Variants in PHYH observed in about 807,000 individuals in gnomAD.
PHYH encodes the protein phytanoyl-CoA 2-hydroxylase.
PHYH carries 32 observed loss-of-function variants against 38.5 expected under a neutral mutation model. The ratio of observed to expected loss-of-function variants is 0.83; its 90% CI spans 0.63 to 1.12. The LOEUF (loss-of-function observed/expected upper bound fraction) is 1.12, where lower values mean the gene tolerates loss of function less well. Among genes scored for constraint, PHYH ranks in the 50% most tolerant of loss-of-function variants. The pLI, the probability that PHYH is intolerant of heterozygous loss-of-function variation, is 0.00. For synonymous variants in PHYH, 166 were observed against 157.9 expected, an observed-to-expected ratio of 1.05 and a Z score of -0.38; for missense variants, 426 against 434.8, an observed-to-expected ratio of 0.98 and a Z score of 0.18.
chr10:13,289,582 T>C lies in PHYH; in HGVS notation c.497-1041A>G, dbSNP rs117566813. 4.5e-3 allele frequency among the ~76,000 whole-genome samples: 692 copies of C among 152,242 alleles called. 6 individuals carry two copies. The highest frequency in any genetic ancestry group is 0.016 in the Admixed American group (237 of 15,270). On this transcript the variant is annotated intron_variant, in intron 5 of 8. Transcript: ENST00000263038. ...TCAAAAACCAGTTGCATTAATTACA[T>C]TGAAGAGAGTGATATGGAGTCAAGT...
intron 6 of PHYH, among the ~76,000 whole-genome samples, chr10:13,285,685 A>C (rs1835531776): frequency 6.7e-6 from 1 of 149,794 alleles, no homozygotes; most frequent in Non-Finnish European, 1.5e-5. Flanking sequence ...GCTCACTGCA[A>C]ACTCCACCTC....
rs559054877 is a variant in PHYH, at chr10:13,284,707, T to C, written c.679-868A>G. Among the ~76,000 whole-genome samples, 54 of 152,344 alleles carry C rather than the reference T, an allele frequency of 3.5e-4. No individual in the cohort carries two copies. In the South Asian group the frequency reaches 0.011, roughly 31 times the overall value. On this transcript the variant is annotated intron_variant, in intron 6 of 8. Coordinates refer to ENST00000263038, the MANE Select transcript of PHYH (RefSeq NM_006214.4). ...TAGTAAATTAAAACACTGTGTTTGTTTGTAACTATTTCCCAAATTAGTTGC... is the reference window on the plus strand; with the variant it reads ...TAGTAAATTAAAACACTGTGTTTGTCTGTAACTATTTCCCAAATTAGTTGC...
In PHYH at chr10:13,294,508, C is replaced by A; in HGVS notation, c.334G>T (p.Ala112Ser). ...RDVTISKSEY[A>S]PSEKMITKVQ... The stretch of plus-strand genomic sequence containing the variant: ...TTCGTGATCATCTTCTCACTTGGAG[C>A]ATATTCGGATTTCGAAATGGTCACA... The change falls in exon 4 of 9, where the codon GCT becomes TCT. Residue 112 changes from alanine (A) to serine (S), a missense_variant. Physicochemically the swap from Ala to Ser is moderately conservative, Grantham distance 99. Transcript: ENST00000263038. The A allele has an allele frequency of 6.2e-7, 1 of 1,613,968 alleles. No individual in the cohort carries two copies. Among genetic ancestry groups the A allele is most frequent in the Non-Finnish European group, 8.5e-7 (1 of 1,179,824 alleles).
At position 13,282,966 on chromosome 10, in the gene PHYH, T is replaced by C. The variant is rs75967900; in HGVS notation, c.828+724A>G. On this transcript the variant is annotated intron_variant, in intron 7 of 8. Transcript: ENST00000263038. ...AAGACGAAATTTGGCCCCTAACCCA[T>C]GGCCTCAGGAGACAACAGTGATTTT... 9.5e-3 allele frequency among the ~76,000 whole-genome samples: 1,431 copies of C among 150,144 alleles called. 28 individuals carry two copies. The highest frequency in any genetic ancestry group is 0.032 in the African/African-American group (1,285 of 40,374).
At chr10:13,281,239 C>A in intron 7 of PHYH, 129 bp from the exon 8 acceptor site, 1 of 864,640 alleles carries the variant, frequency 1.2e-6, no homozygotes, top group Non-Finnish European at 1.9e-6. Flanking sequence ...AAAGTCAGGT[C>A]CATTGCATCC....
chr10:13,299,554 G>T, intron 1 of PHYH: 2 of 1,015,926 alleles, frequency 2.0e-6, no homozygotes, highest in Non-Finnish European at 2.4e-6. Context: ...CTCCGGAGAG[G>T]TCCCGGTCAC....
In PHYH at chr10:13,278,332, C is replaced by A. The variant is rs144085594; in HGVS notation, c.986G>T (p.Arg329Leu). Reference protein sequence around the residue: ...NLKDIWMFRARLVKGERTNL With the variant: ...NLKDIWMFRALLVKGERTNL ...ATTGGTTCTTTCTCCTTTCACAAGTCGAGCTCGAAACATCCAAATATCCTG... is the reference window on the plus strand; with the variant it reads ...ATTGGTTCTTTCTCCTTTCACAAGTAGAGCTCGAAACATCCAAATATCCTG... The change falls in exon 9 of 9, where the codon CGA becomes CTA. Residue 329 changes from arginine (R) to leucine (L), a missense_variant. Physicochemically the swap from Arg to Leu is moderately radical, Grantham distance 102. Transcript: ENST00000263038. The A allele has an allele frequency of 6.2e-7, 1 of 1,612,576 alleles. No individual in the cohort carries two copies. The highest frequency in any genetic ancestry group is 8.5e-7 in the Non-Finnish European group (1 of 1,178,690).
At chr10:13,285,606 C>CTTT (rs36040564) in intron 6 of PHYH, among the ~76,000 whole-genome samples, 7 of 127,528 alleles carry the variant, frequency 5.5e-5, no homozygotes, top group South Asian at 2.5e-4. Context: ...CTTTTCTTTT[C>CTTT]TTTTTTTTTT....
At chr10:13,299,914 G>C (rs1190490696) in intron 1 of PHYH, 54 bp downstream of exon 1, 9 of 1,488,852 alleles carry the variant, frequency 6.0e-6, no homozygotes, top group Non-Finnish European at 5.3e-6. Flanking sequence ...CCACCACTCA[G>C]GCGGCGGCGC....
At position 13,289,966 on chromosome 10, in the gene PHYH, G is replaced by GA. The variant is rs1164047941; in HGVS notation, c.497-1426dup. 9.6e-4 allele frequency among the ~76,000 whole-genome samples: 132 copies of GA among 137,590 alleles called. 1 individual carries two copies. The highest frequency in any genetic ancestry group is 4.4e-3 in the Middle Eastern group (1 of 226). 90.3% of individuals were successfully genotyped at this position (137,590 alleles called of 152,430 possible). A position where few individuals can be genotyped will look rare whatever the true frequency, so the allele number is the denominator to read the frequency against. ...AAAAAAAAAAAAAAGAAAAGAAAAA[G>GA]AAAAAAAAACACACAAAACAGGACG... On this transcript the variant is annotated intron_variant, in intron 5 of 8. Coordinates refer to ENST00000263038, the MANE Select transcript of PHYH (RefSeq NM_006214.4).
intron 2 of PHYH, among the ~76,000 whole-genome samples, chr10:13,297,679 C>T (rs7896825): frequency 6.6e-6 from 1 of 151,946 alleles, no homozygotes; most frequent in Non-Finnish European, 1.5e-5. Context: ...CCAGGCTGGT[C>T]TCGAACTCCT....
intron 1 of PHYH, among the ~76,000 whole-genome samples, chr10:13,298,874 G>T (rs1156920209): frequency 4.8e-5 from 1 of 21,038 alleles, no homozygotes; most frequent in Admixed American, 8.7e-4. Context: ...ACATTGCAGA[G>T]TGCGGCACTG....
chr10:13,299,991 C>T lies in PHYH; in HGVS notation c.52G>A (p.Gly18Ser). 6.5e-7 allele frequency: 1 copy of T among 1,531,990 alleles called. No homozygotes were observed. The highest frequency in any genetic ancestry group is 8.7e-7 in the Non-Finnish European group (1 of 1,144,424). 94.9% of individuals were successfully genotyped at this position (1,531,990 alleles called of 1,614,324 possible). A position where few individuals can be genotyped will look rare whatever the true frequency, so the allele number is the denominator to read the frequency against. Residue 18 changes from glycine (G) to serine (S), a missense_variant, in exon 1 of 9, where the codon GGC becomes AGC. By Grantham distance (56) the Gly-to-Ser change is moderately conservative. Coordinates refer to ENST00000263038, the MANE Select transcript of PHYH (RefSeq NM_006214.4). Reference sequence around the variant, plus strand: ...ACGACAGCCCCGGCCGAGGGGCGGCCGAGGTGGCCCAGAACAATCTGCAGA... The same window carrying T: ...ACGACAGCCCCGGCCGAGGGGCGGCTGAGGTGGCCCAGAACAATCTGCAGA... ...ARLQIVLGHL[G>S]RPSAGAVVAH...
intron 6 of PHYH, among the ~76,000 whole-genome samples, chr10:13,284,077 C>A (rs1374960076): frequency 2.0e-5 from 3 of 152,180 alleles, no homozygotes; most frequent in African/African-American, 7.2e-5. Context: ...AATCCCATCT[C>A]TTTGGGAGGC....
chr10:13,298,715 CACCACT>C lies in PHYH; in HGVS notation c.76-476_76-471del, dbSNP rs1232811005. 7.7e-4 allele frequency among the ~76,000 whole-genome samples: 89 copies of C among 115,350 alleles called. No homozygotes were observed. The South Asian group carries it at 8.2e-3, about 11-fold the overall frequency. The allele number at this position is 115,350 out of a possible 152,430, so 75.7% of individuals were successfully genotyped here. ...GACTCCATCTCAGAAAAAAAACTAC[CACCACT>C]ACTACTACTACTACTACTACTACTA... On this transcript the variant is annotated intron_variant, in intron 1 of 8. Coordinates refer to ENST00000263038, the MANE Select transcript of PHYH (RefSeq NM_006214.4).
At position 13,278,231 on chromosome 10, in the gene PHYH, G is replaced by T; in HGVS notation, c.*70C>A. The T allele has an allele frequency of 9.5e-7, 1 of 1,047,966 alleles. No homozygotes were observed. Among genetic ancestry groups the T allele is most frequent in the Non-Finnish European group, 1.5e-6 (1 of 665,584 alleles). The allele number at this position is 1,047,966 out of a possible 1,614,324, so 64.9% of individuals were successfully genotyped here. On this transcript the variant is annotated 3_prime_UTR_variant, in exon 9 of 9. Transcript: ENST00000263038. Reference sequence around the variant, plus strand: ...AGAAAAGGTTACATCATCTCATTAAGAAAACATTTTCCTTAGACATTTCGT... The same window carrying T: ...AGAAAAGGTTACATCATCTCATTAATAAAACATTTTCCTTAGACATTTCGT...
chr10:13,281,041 T>G lies in PHYH; in HGVS notation c.898A>C (p.Ile300Leu), dbSNP rs1468367622. 1 of 1,614,128 alleles carries G rather than the reference T, an allele frequency of 6.2e-7. No homozygotes were observed. Among genetic ancestry groups the G allele is most frequent in the Non-Finnish European group, 8.5e-7 (1 of 1,179,940 alleles). ...IDVKGTSQEN[I>L]EKEVVGIAHK... ...GCTATTCCTACAACTTCCTTCTCGA[T>G]GTTTTCTTGACTGGTGCCCTTCACG... The change falls in exon 8 of 9, where the codon ATC becomes CTC. Residue 300 changes from isoleucine to leucine, a missense_variant. Physicochemically the swap from Ile to Leu is conservative, Grantham distance 5. Transcript: ENST00000263038.
chr10:13,299,129 C>CAAAA (rs34019384), intron 1 of PHYH, among the ~76,000 whole-genome samples: 8 of 126,026 alleles, frequency 6.3e-5, no homozygotes, highest in African/African-American at 5.9e-5. Flanking sequence ...GGCCCTGTTT[C>CAAAA]AAAAAAAAAA....
At chr10:13,295,186 G>A (rs564133933) in intron 3 of PHYH, 3 of 336,896 alleles carry the variant, frequency 8.9e-6, no homozygotes, top group Non-Finnish European at 1.1e-5. Context: ...AAAATTAGCT[G>A]GGTATGGTGG....
Sources: gnomAD v4.1 joint callset for allele counts (sites outside exome capture counted in the v4.1 genomes callset) on GRCh38, gnomAD v4.1.1 for gene constraint, MANE v1.5 for transcripts, NCBI Gene and HGNC (gene_info 2026-07-23, HGNC 2026-07-21) for gene names.